EDRF1: variants seen among roughly 807,000 people sequenced by gnomAD.
The protein encoded by EDRF1 is erythroid differentiation regulatory factor 1, also known as erythroid differentiation-related factor 1.
A neutral mutation model predicts 148.7 loss-of-function variants in EDRF1; 69 were observed. The observed-to-expected ratio is 0.46, with a 90% CI of 0.38 to 0.57. The LOEUF is 0.57. Among genes scored for constraint, EDRF1 ranks in the 20% least tolerant of loss-of-function variants. The pLI is 0.00. For synonymous variants in EDRF1, 515 were observed against 532.8 expected, an observed-to-expected ratio of 0.97 and a Z score of 0.46; for missense variants, 1,118 against 1,478.7, an observed-to-expected ratio of 0.76 and a Z score of 4.00.
At chr10:125,749,267 A>C (rs1849527012) in intron 21 of EDRF1, 145 bp from the exon 22 acceptor site, 1 of 896,996 alleles carries the variant, frequency 1.1e-6, no homozygotes, top group African/African-American at 1.7e-5. Flanking sequence ...AAAAGAAAGG[A>C]AATGGATTAA....
chr10:125,751,846 G>C (rs1255708784), intron 22 of EDRF1: 2 of 152,288 alleles, frequency 1.3e-5, no homozygotes, highest in African/African-American at 4.8e-5. Context: ...GGGAGGCAGA[G>C]TCCTGGAGAG....
At position 125,719,715 on chromosome 10, in the gene EDRF1, C is replaced by T; in HGVS notation, c.-93C>T. ...TGGCAGAGACCGGAAGTGCGGTCCG[C>T]GGAGCGTCTCTGGCGCTTACCCTGC... On this transcript the variant is annotated 5_prime_UTR_variant, in exon 1 of 25. Coordinates refer to ENST00000356792, the MANE Select transcript of EDRF1 (RefSeq NM_001202438.2). 4.4e-6 allele frequency: 4 copies of T among 917,980 alleles called. No homozygotes were observed. Among genetic ancestry groups the T allele is most frequent in the South Asian group, 1.8e-5 (1 of 56,696 alleles). 56.9% of individuals were successfully genotyped at this position (917,980 alleles called of 1,614,324 possible).
At chr10:125,759,077 C>G (rs974238494) in intron 24 of EDRF1, among the ~76,000 whole-genome samples, 4 of 152,202 alleles carry the variant, frequency 2.6e-5, no homozygotes, top group African/African-American at 9.7e-5. Context: ...TGCTGTTACC[C>G]TGTCATAGGT....
intron 9 of EDRF1, 30 bp downstream of exon 9, chr10:125,730,429 T>G: frequency 1.3e-6 from 2 of 1,560,860 alleles, no homozygotes; most frequent in Non-Finnish European, 8.8e-7. Context: ...TTCTGATCTC[T>G]CAAATGCAAA....
At position 125,763,439 on chromosome 10, in the gene EDRF1, C is replaced by T. The variant is rs201481322; in HGVS notation, c.3684C>T (p.Ala1228=). The T allele has an allele frequency of 3.4e-5, 55 of 1,609,822 alleles. No homozygotes were observed. In the South Asian group the frequency reaches 3.7e-4, roughly 11 times the overall value. The change falls in exon 25 of 25, where the codon GCC becomes GCT. Residue 1228 remains alanine (A), a synonymous_variant. Coordinates refer to ENST00000356792, the MANE Select transcript of EDRF1 (RefSeq NM_001202438.2). The surrounding 1 kb of genome is among the most constrained non-coding windows in gnomAD (Gnocchi z 4.3). ...VIVHLLGQLA[A]GSAASSNAVQ ...TCCACCTGCTGGGCCAGCTTGCCGC[C>T]GGCAGTGCAGCGAGCAGCAATGCCG...
At chr10:125,742,349 C>A in intron 17 of EDRF1, 2 of 1,249,838 alleles carry the variant, frequency 1.6e-6, no homozygotes, top group Non-Finnish European at 2.1e-6. Context: ...TCTGAAGGTG[C>A]TTCTGTAATG....
intron 14 of EDRF1, 60 bp from the exon 15 acceptor site, chr10:125,738,235 A>C (rs934234149): frequency 1.6e-5 from 26 of 1,596,264 alleles, no homozygotes; most frequent in Non-Finnish European, 2.1e-5. Context: ...ACTGTCTTAT[A>C]TTTAGTTTTC....
chr10:125,750,690 C>T (rs77273514), intron 22 of EDRF1, among the ~76,000 whole-genome samples: 2,263 of 152,300 alleles, frequency 0.015, 66 homozygotes, highest in African/African-American at 0.051. Context: ...TTGCTGCATA[C>T]CCATTTGGAC....
Position 125,721,190 on chromosome 10 carries a change from A to T in EDRF1, c.109-14A>T, listed in dbSNP as rs1847981465. The T allele has an allele frequency of 1.2e-6, 2 of 1,611,626 alleles. No individual in the cohort carries two copies. The highest frequency in any genetic ancestry group is 2.2e-5 in the South Asian group (2 of 91,026). On this transcript the variant is annotated splice_polypyrimidine_tract_variant and intron_variant, in intron 1 of 24. Coordinates refer to ENST00000356792, the MANE Select transcript of EDRF1 (RefSeq NM_001202438.2). ...AGTAATTTTCATTAAAGTTTCACCC[A>T]ATGTGTTAATTAGGGATCAGCTTTA...
At position 125,763,403 on chromosome 10, in the gene EDRF1, C is replaced by G. The variant is rs759972294; in HGVS notation, c.3648C>G (p.Ile1216Met). Reference protein sequence around the residue: ...ANKTATLLERINVIVHLLGQL... With the variant: ...ANKTATLLERMNVIVHLLGQL... Reference sequence around the variant, plus strand: ...AAACCGCGACTCTTCTGGAAAGAATCAACGTTATCGTCCACCTGCTGGGCC... The same window carrying G: ...AAACCGCGACTCTTCTGGAAAGAATGAACGTTATCGTCCACCTGCTGGGCC... Residue 1216 changes from isoleucine to methionine, a missense_variant, in exon 25 of 25, where the codon ATC becomes ATG. Ile to Met is a conservative substitution (Grantham distance 10). Coordinates refer to ENST00000356792, the MANE Select transcript of EDRF1 (RefSeq NM_001202438.2). This position sits in a 1 kb window ranked among gnomAD's most constrained non-coding sequence, Gnocchi z 4.3. 28 of 1,612,508 alleles carry G rather than the reference C, an allele frequency of 1.7e-5. 3 individuals are homozygous for G. In the South Asian group the frequency reaches 2.9e-4, roughly 16 times the overall value.
At chr10:125,755,062 C>G (rs1358423464) in intron 24 of EDRF1, among the ~76,000 whole-genome samples, 2 of 152,178 alleles carry the variant, frequency 1.3e-5, no homozygotes, top group Admixed American at 6.5e-5. Context: ...CAACCCTGCC[C>G]CTGCCCCCAA....
rs948241803 is a variant in EDRF1, at chr10:125,725,901, C to T, written c.792+63C>T. 108 of 1,473,918 alleles carry T rather than the reference C, an allele frequency of 7.3e-5. No homozygotes were observed. In the Admixed American group the frequency reaches 1.1e-3, roughly 15 times the overall value. 91.3% of individuals were successfully genotyped at this position (1,473,918 alleles called of 1,614,324 possible). A position where few individuals can be genotyped will look rare whatever the true frequency, so the allele number is the denominator to read the frequency against. ...GAAAACAAAGCCTTTTTTAACATCT[C>T]GTTAAAAAAAAAAAAAGATGAACAG... On this transcript the variant is annotated intron_variant, in intron 6 of 24. Coordinates refer to ENST00000356792, the MANE Select transcript of EDRF1 (RefSeq NM_001202438.2).
Position 125,719,888 on chromosome 10 carries a change from G to T in EDRF1, c.81G>T (p.Gln27His), listed in dbSNP as rs555027542. ...GAGGAGGGCTCAGCCTCCTGTCCCA[G>T]GGAGAATCCGAGGAATCTTCTGCAC... is the stretch of plus-strand genomic sequence containing the variant. Reference protein sequence around the residue: ...AARGGLSLLSQGESEESSAQG... With the variant: ...AARGGLSLLSHGESEESSAQG... Residue 27 changes from glutamine to histidine, a missense_variant, in exon 1 of 25, where the codon CAG becomes CAT. Gln to His is a conservative substitution (Grantham distance 24). This residue lies in a region of EDRF1 where 65 missense variants were observed against 50.3 expected (regional missense o/e 1.29). Transcript: ENST00000356792. The T allele has an allele frequency of 1.9e-6, 3 of 1,613,272 alleles. No individual in the cohort carries two copies. The Admixed American group carries it at 5.0e-5, about 27-fold the overall frequency.
rs1850294525 is a variant in EDRF1 at position 125,763,797 on chromosome 10, A to G, written c.*325A>G. ...GAAGTATGTCAAGCTACACGGGTCTAAGATATGATTATTTTGGATAAAATG... is the reference window on the plus strand; with the variant it reads ...GAAGTATGTCAAGCTACACGGGTCTGAGATATGATTATTTTGGATAAAATG... On this transcript the variant is annotated 3_prime_UTR_variant, in exon 25 of 25. Transcript: ENST00000356792. This position sits in a 1 kb window ranked among gnomAD's most constrained non-coding sequence, Gnocchi z 4.3. The G allele has an allele frequency of 2.8e-6, 1 of 362,078 alleles. No individual in the cohort carries two copies. Among genetic ancestry groups the G allele is most frequent in the Admixed American group, 4.5e-5 (1 of 22,288 alleles). The allele number at this position is 362,078 out of a possible 1,614,324, so 22.4% of individuals were successfully genotyped here.
chr10:125,742,233 G>C, intron 17 of EDRF1: 1 of 1,289,362 alleles, frequency 7.8e-7, no homozygotes, highest in Non-Finnish European at 1.0e-6. Context: ...TTAAAACTGG[G>C]AAGTAGAATA....
chr10:125,743,327 T>C, intron 18 of EDRF1, 51 bp downstream of exon 18: 3 of 1,509,400 alleles, frequency 2.0e-6, no homozygotes, highest in Non-Finnish European at 2.8e-6. Context: ...CAGAAAATTA[T>C]GCTAATTTTG....
At chr10:125,759,235 C>A (rs1415323242) in intron 24 of EDRF1, among the ~76,000 whole-genome samples, 1 of 152,188 alleles carries the variant, frequency 6.6e-6, no homozygotes, top group East Asian at 1.9e-4. Context: ...ACTGGGCCCC[C>A]ACCAACCCAT....
chr10:125,719,997 G>C, intron 1 of EDRF1, 82 bp downstream of exon 1: 1 of 1,302,308 alleles, frequency 7.7e-7, no homozygotes, highest in Non-Finnish European at 1.1e-6. Context: ...CACGGTTCCC[G>C]GCAGATTCTG....
Position 125,720,609 on chromosome 10 carries a change from G to C in EDRF1, c.109-595G>C, listed in dbSNP as rs4606393. Among the ~76,000 whole-genome samples, 96 of 152,172 alleles carry C rather than the reference G, an allele frequency of 6.3e-4. No homozygotes were observed. The East Asian group carries it at 0.018, about 28-fold the overall frequency. On this transcript the variant is annotated intron_variant, in intron 1 of 24. Transcript: ENST00000356792. ...TGGATCACCTGAGGTCGGGGAGTTC[G>C]AGACCAGCCTGGCCAACATGGCAAA...
Sources: gnomAD v4.1 joint callset for allele counts (sites outside exome capture counted in the v4.1 genomes callset) on GRCh38, gnomAD v4.1.1 for gene constraint, gnomAD v4.1.1 regional missense constraint, Gnocchi (gnomAD v3.1) non-coding constraint, MANE v1.5 for transcripts, NCBI Gene and HGNC (gene_info 2026-07-23, HGNC 2026-07-21) for gene names.